Variants in SNTG2 observed in about 807,000 individuals in gnomAD.
SNTG2 encodes syntrophin gamma 2.
A neutral mutation model predicts 70.9 loss-of-function variants in SNTG2; 74 were observed. That is an observed-to-expected ratio of 1.04 (90% CI 0.86 to 1.27). SNTG2 has a LOEUF of 1.27. Among genes scored for constraint, SNTG2 ranks in the 50% most tolerant of loss-of-function variants. The pLI is 0.00. For missense variants in SNTG2, 717 were observed against 690.7 expected, an observed-to-expected ratio of 1.04 and a Z score of -0.43; for synonymous variants, 278 against 273.8, an observed-to-expected ratio of 1.02 and a Z score of -0.15.
intron 9 of SNTG2, among the ~76,000 whole-genome samples, chr2:1,224,971 A>G (rs1160275510): frequency 6.6e-6 from 1 of 152,244 alleles, no homozygotes; most frequent in Non-Finnish European, 1.5e-5. Flanking sequence ...TAGGCAGGAA[A>G]ACATTGAGCT....
Position 1,173,094 on chromosome 2 carries a change from T to C in SNTG2, c.502T>C (p.Ser168Pro), listed in dbSNP as rs373138387. The C allele has an allele frequency of 1.2e-6, 2 of 1,613,422 alleles. No homozygotes were observed. Among genetic ancestry groups the C allele is most frequent in the African/African-American group, 1.3e-5 (1 of 74,886 alleles). The change falls in exon 8 of 17, where the codon TCC becomes CCC. Residue 168 changes from serine to proline, a missense_variant and splice_region_variant. Physicochemically the swap from Ser to Pro is moderately conservative, Grantham distance 74. Coordinates refer to ENST00000308624, the MANE Select transcript of SNTG2 (RefSeq NM_018968.4). ...APAFLKLPLGSPGPSSDHSSG... is the reference protein window; with the variant it reads ...APAFLKLPLGPPGPSSDHSSG... ...GGACTTCTCTTGTTTTGCTGCAGGG[T>C]CCCCAGGGCCATCCAGCGACCACAG... is the stretch of plus-strand genomic sequence containing the variant.
chr2:976,454 C>T (rs143925139), intron 1 of SNTG2, among the ~76,000 whole-genome samples: 1 of 152,138 alleles, frequency 6.6e-6, no homozygotes, highest in African/African-American at 2.4e-5. Context: ...TGGAAGCCAG[C>T]GATTGTTCTT....
intron 1 of SNTG2, among the ~76,000 whole-genome samples, chr2:1,026,015 CA>C (rs1470611489): frequency 1.3e-5 from 2 of 152,192 alleles, no homozygotes; most frequent in Non-Finnish European, 2.9e-5. Flanking sequence ...ACTAATTTGG[CA>C]TTTTGTTTTG....
chr2:957,026 A>G (rs1660186546), intron 1 of SNTG2, among the ~76,000 whole-genome samples: 1 of 152,212 alleles, frequency 6.6e-6, no homozygotes, highest in South Asian at 2.1e-4. Flanking sequence ...ATTATATTTT[A>G]CCAAATGGCT....
At chr2:1,226,985 G>A (rs1196837147) in intron 9 of SNTG2, among the ~76,000 whole-genome samples, 2 of 152,234 alleles carry the variant, frequency 1.3e-5, no homozygotes, top group African/African-American at 2.4e-5. Flanking sequence ...ACAGGCAGCT[G>A]CCTTGCTTCC....
chr2:1,003,532 T>A (rs1264580612), intron 1 of SNTG2, among the ~76,000 whole-genome samples: 1 of 152,202 alleles, frequency 6.6e-6, no homozygotes, highest in Admixed American at 6.5e-5. Flanking sequence ...CATTATGATT[T>A]CTATTGTATT....
intron 8 of SNTG2, among the ~76,000 whole-genome samples, chr2:1,187,185 A>T (rs1287745346): frequency 6.6e-6 from 1 of 152,250 alleles, no homozygotes; most frequent in Admixed American, 6.5e-5. Flanking sequence ...ACAAATTCAG[A>T]AAGAACAATG....
At chr2:1,188,309 G>A (rs1466282668) in intron 8 of SNTG2, among the ~76,000 whole-genome samples, 1 of 151,856 alleles carries the variant, frequency 6.6e-6, no homozygotes, top group African/African-American at 2.4e-5. Context: ...CCTGAAAATA[G>A]AAAATAAAGA....
At chr2:1,018,126 T>C (rs567414592) in intron 1 of SNTG2, among the ~76,000 whole-genome samples, 55 of 152,320 alleles carry the variant, frequency 3.6e-4, no homozygotes, top group Non-Finnish European at 6.9e-4. Flanking sequence ...CGAGCCTCTG[T>C]TGACTCCCAC....
intron 1 of SNTG2, among the ~76,000 whole-genome samples, chr2:1,000,104 A>G (rs1661818884): frequency 6.6e-6 from 1 of 151,936 alleles, no homozygotes; most frequent in African/African-American, 2.4e-5. Context: ...GAGCTACAAC[A>G]TACCAAAATA....
intron 1 of SNTG2, among the ~76,000 whole-genome samples, chr2:996,541 T>C (rs13020579): frequency 6.6e-6 from 1 of 152,282 alleles, no homozygotes; most frequent in Admixed American, 6.5e-5. Context: ...AAACATTGTG[T>C]GTATCTATAT....
In SNTG2 at chr2:1,254,938, C is replaced by T. The variant is rs566026376; in HGVS notation, c.1006-4432C>T. 8.5e-5 allele frequency among the ~76,000 whole-genome samples: 13 copies of T among 152,346 alleles called. No individual in the cohort carries two copies. In the South Asian group the frequency reaches 1.7e-3, roughly 19 times the overall value. ...ATGATGGTAGAGCCAGTGGATCTCT[C>T]TCCGGACATGCAAAATCATTCCCCA... On this transcript the variant is annotated intron_variant, in intron 12 of 16. Transcript: ENST00000308624.
intron 8 of SNTG2, among the ~76,000 whole-genome samples, chr2:1,179,754 G>A (rs1052392565): frequency 1.8e-4 from 27 of 149,692 alleles, no homozygotes; most frequent in South Asian, 6.4e-4. Flanking sequence ...AGCCTGCATC[G>A]CCAAGTCAGT....
At chr2:1,179,116 G>A (rs1267364354) in intron 8 of SNTG2, among the ~76,000 whole-genome samples, 2 of 152,122 alleles carry the variant, frequency 1.3e-5, no homozygotes, top group Non-Finnish European at 2.9e-5. Context: ...ATTCTTTGAT[G>A]GTAGTTTGCA....
At chr2:1,065,643 C>T (rs909817497) in intron 1 of SNTG2, among the ~76,000 whole-genome samples, 15 of 152,162 alleles carry the variant, frequency 9.9e-5, no homozygotes, top group Middle Eastern at 6.3e-3. Flanking sequence ...TTTAGCAATA[C>T]GTTGCAAATC....
At chr2:1,142,543 C>A (rs752521771) in intron 6 of SNTG2, among the ~76,000 whole-genome samples, 12 of 152,156 alleles carry the variant, frequency 7.9e-5, no homozygotes, top group Non-Finnish European at 1.3e-4. Flanking sequence ...AGCAAGGGAG[C>A]AGGTATGGGA....
rs13395213 is a variant in SNTG2 at position 1,071,939 on chromosome 2, A to T, written c.73-11579A>T. On this transcript the variant is annotated intron_variant, in intron 1 of 16. Coordinates refer to ENST00000308624, the MANE Select transcript of SNTG2 (RefSeq NM_018968.4). The stretch of plus-strand genomic sequence containing the variant: ...TCCATAGCAAGGCCCTAACTCTTCA[A>T]TTCTGTGAAGGTCTAGAGAGGGGAG... Among the ~76,000 whole-genome samples, 537 of 152,342 alleles carry T rather than the reference A, an allele frequency of 3.5e-3. 4 individuals carry two copies. The highest frequency in any genetic ancestry group is 0.013 in the African/African-American group (520 of 41,582).
chr2:1,112,561 GTGTAACCCTTAC>G (rs1240589772), intron 4 of SNTG2, among the ~76,000 whole-genome samples: 11 of 151,706 alleles, frequency 7.3e-5, no homozygotes, highest in South Asian at 2.1e-4. Flanking sequence ...ACTAAGTGAG[GTGTAACCCTTAC>G]AGTCCTTTGA....
intron 1 of SNTG2, among the ~76,000 whole-genome samples, chr2:976,640 C>A (rs1182421870): frequency 6.6e-6 from 1 of 152,198 alleles, no homozygotes; most frequent in East Asian, 1.9e-4. Context: ...TCTTCTATCA[C>A]CCATTTCGGA....
Sources: allele counts gnomAD v4.1 joint callset (sites outside exome capture counted in the v4.1 genomes callset), GRCh38; gene constraint gnomAD v4.1.1; transcripts MANE v1.5; gene names NCBI Gene and HGNC (gene_info 2026-07-23, HGNC 2026-07-21).